Variants in ELOVL4 observed in about 807,000 individuals in gnomAD.
The protein encoded by ELOVL4 is very long chain fatty acid elongase 4.
A neutral mutation model predicts 42.1 loss-of-function variants in ELOVL4; 18 were observed. The ratio of observed to expected loss-of-function variants is 0.43; its 90% CI spans 0.30 to 0.63. The LOEUF (loss-of-function observed/expected upper bound fraction) is 0.63, where lower values mean the gene tolerates loss of function less well. Among genes scored for constraint, ELOVL4 ranks in the 30% least tolerant of loss-of-function variants. The pLI is 0.15. For synonymous variants in ELOVL4, 117 were observed against 127.0 expected, an observed-to-expected ratio of 0.92 and a Z score of 0.53; for missense variants, 299 against 376.2, an observed-to-expected ratio of 0.79 and a Z score of 1.70.
chr6:79,926,176 G>A lies in ELOVL4; in HGVS notation c.288+18C>T, dbSNP rs1774339222. ...CCAATAACCTTGGAAAATTATTAAA[G>A]TGATCTTAAAAACATACCTCTCTGA... On this transcript the variant is annotated intron_variant, in intron 2 of 5. Transcript: ENST00000369816. 6.2e-7 allele frequency: 1 copy of A among 1,600,800 alleles called. No homozygotes were observed. The highest frequency in any genetic ancestry group is 2.2e-5 in the East Asian group (1 of 44,734).
intron 1 of ELOVL4, among the ~76,000 whole-genome samples, chr6:79,935,918 C>T (rs1471872642): frequency 6.6e-6 from 1 of 152,120 alleles, no homozygotes; most frequent in South Asian, 2.1e-4. Context: ...TGGAACCTTA[C>T]AAGAAATGCA....
At chr6:79,937,763 T>C (rs917335653) in intron 1 of ELOVL4, among the ~76,000 whole-genome samples, 3 of 152,232 alleles carry the variant, frequency 2.0e-5, no homozygotes, top group Non-Finnish European at 2.9e-5. Flanking sequence ...TGTTACTTTC[T>C]AGCTATGTAG....
chr6:79,945,791 T>C (rs1331166493), intron 1 of ELOVL4, among the ~76,000 whole-genome samples: 5 of 145,704 alleles, frequency 3.4e-5, no homozygotes, highest in Admixed American at 1.4e-4. Flanking sequence ...TAATAGCGCA[T>C]AGAAACAAAA....
chr6:79,943,530 G>C (rs896406543), intron 1 of ELOVL4, among the ~76,000 whole-genome samples: 4 of 152,160 alleles, frequency 2.6e-5, no homozygotes, highest in African/African-American at 9.7e-5. Flanking sequence ...CTTTCACTTA[G>C]GAGAAGTAGA....
rs1354920539 is a variant in ELOVL4, at chr6:79,915,966, A to C, written c.*642T>G. The C allele has an allele frequency of 6.5e-6, 1 of 152,880 alleles. No individual in the cohort carries two copies. The highest frequency in any genetic ancestry group is 1.5e-5 in the Non-Finnish European group (1 of 68,226). 9.5% of individuals were successfully genotyped at this position (152,880 alleles called of 1,614,324 possible). On this transcript the variant is annotated 3_prime_UTR_variant, in exon 6 of 6. Transcript: ENST00000369816. ...AAGTCATGGTGATCTCTGGGTCACC[A>C]GACAAGACTTTACTGCAATTCTTTC...
intron 4 of ELOVL4, among the ~76,000 whole-genome samples, chr6:79,919,904 T>C (rs1455001241): frequency 1.3e-5 from 2 of 152,176 alleles, no homozygotes; most frequent in Non-Finnish European, 1.5e-5. Flanking sequence ...TGTGCCAATA[T>C]ATATATCTGC....
intron 3 of ELOVL4, among the ~76,000 whole-genome samples, chr6:79,924,487 A>T (rs927155126): frequency 2.0e-5 from 3 of 152,196 alleles, no homozygotes; most frequent in East Asian, 3.8e-4. Context: ...AGTACTTTTT[A>T]AAAAAGCATA....
At chr6:79,927,274 T>C (rs1305917093) in intron 1 of ELOVL4, among the ~76,000 whole-genome samples, 1 of 152,046 alleles carries the variant, frequency 6.6e-6, no homozygotes, top group African/African-American at 2.4e-5. Context: ...TTAATTTTTA[T>C]ATTTCTAAAA....
rs1239006894 is a variant in ELOVL4 at position 79,947,196 on chromosome 6, C to A, written c.84G>T (p.Trp28Cys). The A allele has an allele frequency of 1.9e-6, 3 of 1,612,782 alleles. No individual in the cohort carries two copies. The highest frequency in any genetic ancestry group is 2.5e-6 in the Non-Finnish European group (3 of 1,179,348). ...ALNDTVEFYRWTWSIADKRVE... is the reference protein window; with the variant it reads ...ALNDTVEFYRCTWSIADKRVE... Reference sequence around the variant, plus strand: ...CGGCTTTACCTGCGATGGACCAGGTCCAGCGGTAGAACTCTACCGTGTCGT... The same window carrying A: ...CGGCTTTACCTGCGATGGACCAGGTACAGCGGTAGAACTCTACCGTGTCGT... The change falls in exon 1 of 6, where the codon TGG (tryptophan) becomes TGT (cysteine). Residue 28 changes from tryptophan to cysteine, a missense_variant. Coordinates refer to ENST00000369816, the MANE Select transcript of ELOVL4 (RefSeq NM_022726.4).
At chr6:79,942,976 A>G (rs1323638845) in intron 1 of ELOVL4, among the ~76,000 whole-genome samples, 3 of 152,028 alleles carry the variant, frequency 2.0e-5, no homozygotes, top group African/African-American at 7.2e-5. Context: ...TGACCAAGGG[A>G]GATCCCATGT....
intron 4 of ELOVL4, 77 bp downstream of exon 4, chr6:79,921,548 G>T: frequency 8.8e-7 from 1 of 1,139,474 alleles, no homozygotes; most frequent in Non-Finnish European, 1.3e-6. Flanking sequence ...TCAAGTCAAA[G>T]TCCTAGGTTC....
intron 1 of ELOVL4, among the ~76,000 whole-genome samples, chr6:79,930,553 A>AT (rs1774425749): frequency 6.6e-6 from 1 of 152,094 alleles, no homozygotes; most frequent in Non-Finnish European, 1.5e-5. Context: ...AATATTCTAT[A>AT]TTTCTTTCAT....
chr6:79,940,365 T>G (rs1774626207), intron 1 of ELOVL4, among the ~76,000 whole-genome samples: 1 of 152,208 alleles, frequency 6.6e-6, no homozygotes, highest in African/African-American at 2.4e-5. Flanking sequence ...GGCAAAAGAT[T>G]TTAAAAATTT....
At position 79,947,268 on chromosome 6, in the gene ELOVL4, C is replaced by T. The variant is rs766590343; in HGVS notation, c.12G>A (p.Leu4=). Residue 4 remains leucine (L), a synonymous_variant, in exon 1 of 6, where the codon CTG becomes CTA. Coordinates refer to ENST00000369816, the MANE Select transcript of ELOVL4 (RefSeq NM_022726.4). ...TTAGGACACTACCCGGCTCCGAGTC[C>T]AGGAGCCCCATCGCGGCGATGAGCG... MGL[L]DSEPGSVLNV... 1 of 1,612,284 alleles carries T rather than the reference C, an allele frequency of 6.2e-7. No individual in the cohort carries two copies. The highest frequency in any genetic ancestry group is 2.2e-5 in the East Asian group (1 of 44,792).
rs1158646823 is a variant in ELOVL4 at position 79,916,637 on chromosome 6, G to A, written c.916C>T (p.Gln306Ter). 1 of 1,613,938 alleles carries A rather than the reference G, an allele frequency of 6.2e-7. No individual in the cohort carries two copies. Among genetic ancestry groups the A allele is most frequent in the Non-Finnish European group, 8.5e-7 (1 of 1,179,970 alleles). ...KQLMIENGKK[Q>*]KNGKAKGD ...TCTCCTTTTGCTTTTCCATTTTTCTGCTTTTTTCCATTTTCTATCATGAGT... is the reference window on the plus strand; with the variant it reads ...TCTCCTTTTGCTTTTCCATTTTTCTACTTTTTTCCATTTTCTATCATGAGT... The change falls in exon 6 of 6, where the codon CAG becomes TAG. Residue 306 changes from glutamine to a stop codon, truncating the protein, a stop_gained. Coordinates refer to ENST00000369816, the MANE Select transcript of ELOVL4 (RefSeq NM_022726.4). LOFTEE classifies it high-confidence loss of function.
chr6:79,923,948 CTA>C (rs2127698935), intron 3 of ELOVL4, among the ~76,000 whole-genome samples: 1 of 152,178 alleles, frequency 6.6e-6, no homozygotes. Flanking sequence ...TGCCAGGAAA[CTA>C]TTTTTCTCAA....
chr6:79,939,879 G>C (rs565151665), intron 1 of ELOVL4, among the ~76,000 whole-genome samples: 19 of 152,112 alleles, frequency 1.2e-4, no homozygotes, highest in Non-Finnish European at 1.0e-4. Context: ...TTTGTGACTA[G>C]ACTATTTCAC....
chr6:79,925,788 T>G (rs1774332656), intron 2 of ELOVL4, among the ~76,000 whole-genome samples: 1 of 152,186 alleles, frequency 6.6e-6, no homozygotes, highest in African/African-American at 2.4e-5. Flanking sequence ...CAGAAACTAC[T>G]GAATAAGAAT....
intron 1 of ELOVL4, among the ~76,000 whole-genome samples, chr6:79,945,675 T>C (rs566006765): frequency 3.9e-5 from 6 of 152,118 alleles, no homozygotes; most frequent in South Asian, 4.2e-4. Context: ...CTCTATACAA[T>C]TGTGTAATGG....
Sources: allele counts gnomAD v4.1 joint callset (sites outside exome capture counted in the v4.1 genomes callset), GRCh38; gene constraint gnomAD v4.1.1; transcripts MANE v1.5; gene names NCBI Gene and HGNC (gene_info 2026-07-23, HGNC 2026-07-21).